CAPN3: variants seen among roughly 807,000 people sequenced by gnomAD.
CAPN3 encodes calpain-3.
A neutral mutation model predicts 114.0 loss-of-function variants in CAPN3; 88 were observed. The ratio of observed to expected loss-of-function variants is 0.77; its 90% CI spans 0.65 to 0.92. The LOEUF is 0.92. CAPN3 is among the 40% of genes least tolerant of loss of function. The pLI, the probability that CAPN3 is intolerant of heterozygous loss-of-function variation, is 0.00. For missense variants in CAPN3, 1,028 were observed against 1,069.0 expected (o/e 0.96, Z 0.53); for synonymous variants, 386 against 382.9 (o/e 1.01, Z -0.09).
rs534164574 is a variant in CAPN3 at position 42,366,030 on chromosome 15, T to G, written c.309+5916T>G. ...TCTAGAAGATTCTCAATACTAGTAC[T>G]TTCTTGATCTTATCAGAGGGTGTCC... On this transcript the variant is annotated intron_variant, in intron 1 of 23. Transcript: ENST00000397163. 3.9e-5 allele frequency among the ~76,000 whole-genome samples: 6 copies of G among 152,364 alleles called. No individual in the cohort carries two copies. In the East Asian group the frequency reaches 1.2e-3, roughly 29 times the overall value.
chr15:42,402,722 G>A, intron 12 of CAPN3, 72 bp from the exon 13 acceptor site: 1 of 1,584,476 alleles, frequency 6.3e-7, no homozygotes, highest in Non-Finnish European at 8.7e-7. Flanking sequence ...AGGGACCCTT[G>A]GAGGTGGCTG....
chr15:42,389,876 C>A (rs967799484), intron 5 of CAPN3, 77 bp from the exon 6 acceptor site: 2 of 1,477,958 alleles, frequency 1.4e-6, no homozygotes, highest in African/African-American at 1.4e-5. Context: ...TTTCTCCTCT[C>A]TCCTTCCCTT....
At chr15:42,393,891 C>G (rs2053622061) in intron 7 of CAPN3, among the ~76,000 whole-genome samples, 7 of 150,924 alleles carry the variant, frequency 4.6e-5, no homozygotes, top group Middle Eastern at 3.6e-3. Flanking sequence ...CCACGCCTGG[C>G]CAGCAGGGGC....
chr15:42,384,241 A>G (rs149112352), intron 1 of CAPN3, among the ~76,000 whole-genome samples: 2 of 152,166 alleles, frequency 1.3e-5, no homozygotes, highest in Non-Finnish European at 2.9e-5. Context: ...GTGAAACCGT[A>G]TCTCTACTAA....
At chr15:42,365,253 T>C (rs78800359) in intron 1 of CAPN3, among the ~76,000 whole-genome samples, 5,760 of 152,300 alleles carry the variant, frequency 0.038, 303 homozygotes, top group African/African-American at 0.12. Flanking sequence ...TCAGTGTTTC[T>C]TGGCTCTGCT....
In CAPN3 at chr15:42,403,846, T is replaced by C. The variant is rs1343825014; in HGVS notation, c.1782+69T>C. 8 of 1,380,964 alleles carry C rather than the reference T, an allele frequency of 5.8e-6. No individual in the cohort carries two copies. The South Asian group carries it at 9.3e-5, about 16-fold the overall frequency. The allele number at this position is 1,380,964 out of a possible 1,614,324, so 85.5% of individuals were successfully genotyped here. A position where few individuals can be genotyped will look rare whatever the true frequency, so the allele number is the denominator to read the frequency against. On this transcript the variant is annotated intron_variant, in intron 14 of 23. Transcript: ENST00000397163. ...CTTCCCTGACCATGCAGGGGACAGA[T>C]GGTGCAGGGGAGAATGGGCACTGGC... is the stretch of plus-strand genomic sequence containing the variant.
intron 9 of CAPN3, among the ~76,000 whole-genome samples, chr15:42,397,937 C>G (rs544407691): frequency 1.6e-3 from 242 of 151,786 alleles, no homozygotes; most frequent in African/African-American, 5.7e-3. Context: ...CAGGGGGTCA[C>G]TTGAGCCCAG....
intron 1 of CAPN3, among the ~76,000 whole-genome samples, chr15:42,376,305 T>C (rs2053087392): frequency 6.6e-6 from 1 of 152,228 alleles, no homozygotes. Flanking sequence ...TGCTCTGCCC[T>C]CTTGAGGGCA....
At chr15:42,388,495 C>T (rs757426457) in intron 4 of CAPN3, among the ~76,000 whole-genome samples, 19 of 152,142 alleles carry the variant, frequency 1.2e-4, no homozygotes, top group Non-Finnish European at 2.1e-4. Context: ...TTTGTAGAGA[C>T]GGGGTTTTGC....
intron 1 of CAPN3, 37 bp downstream of exon 1, chr15:42,360,151 C>CG: frequency 6.2e-7 from 1 of 1,613,274 alleles, no homozygotes; most frequent in Non-Finnish European, 8.5e-7. Context: ...GGTTTTCCCC[C>CG]CACGGAGGAG....
At chr15:42,406,176 C>G (rs1234409788) in intron 15 of CAPN3, among the ~76,000 whole-genome samples, 1 of 152,184 alleles carries the variant, frequency 6.6e-6, no homozygotes, top group African/African-American at 2.4e-5. Flanking sequence ...TTAATTCCTT[C>G]CTCACAACAG....
chr15:42,399,977 C>T (rs944847984), intron 10 of CAPN3, among the ~76,000 whole-genome samples: 9 of 152,302 alleles, frequency 5.9e-5, no homozygotes, highest in Admixed American at 2.0e-4. Flanking sequence ...ATAGCTTAGC[C>T]TGGCCTACCT....
At chr15:42,386,031 G>C in intron 2 of CAPN3, 136 bp from the exon 3 acceptor site, 1 of 765,258 alleles carries the variant, frequency 1.3e-6, no homozygotes, top group South Asian at 1.4e-5. Context: ...CCTCTGTAAG[G>C]TCAGATCTGG....
chr15:42,405,989 T>A (rs753369679), intron 15 of CAPN3, 46 bp downstream of exon 15: 4 of 1,532,136 alleles, frequency 2.6e-6, no homozygotes, highest in Non-Finnish European at 2.7e-6. Context: ...CTCATGCATA[T>A]GTATGTGCAT....
chr15:42,388,803 G>A, intron 4 of CAPN3, 125 bp from the exon 5 acceptor site: 1 of 833,468 alleles, frequency 1.2e-6, no homozygotes, highest in Non-Finnish European at 2.1e-6. Context: ...GAGCTCATAG[G>A]GTTAATGTGG....
At position 42,397,645 on chromosome 15, in the gene CAPN3, A is replaced by G. The variant is rs756278391; in HGVS notation, c.1193+768A>G. The stretch of plus-strand genomic sequence containing the variant: ...GGCGACAAGAGAGACTCTGTCTTGG[A>G]AAAAAAAAAAAAAATGTTGTCTTAG... On this transcript the variant is annotated intron_variant, in intron 9 of 23. Transcript: ENST00000397163. 1.0e-3 allele frequency among the ~76,000 whole-genome samples: 118 copies of G among 118,554 alleles called. 1 individual carries two copies. Among genetic ancestry groups the G allele is most frequent in the Admixed American group, 3.3e-3 (43 of 13,098 alleles). The allele number at this position is 118,554 out of a possible 152,430, so 77.8% of individuals were successfully genotyped here. A position where few individuals can be genotyped will look rare whatever the true frequency, so the allele number is the denominator to read the frequency against.
At position 42,371,078 on chromosome 15, in the gene CAPN3, C is replaced by A. The variant is rs560800911; in HGVS notation, c.309+10964C>A. On this transcript the variant is annotated intron_variant, in intron 1 of 23. Transcript: ENST00000397163. ...TGTAAGGATTAAATGAGATTCTATA[C>A]ATAACATAATACAATGAGTCAATAA... Among the ~76,000 whole-genome samples the A allele has an allele frequency of 8.5e-5, 13 of 152,126 alleles. 1 individual carries two copies. Among genetic ancestry groups the A allele is most frequent in the Non-Finnish European group, 5.9e-5 (4 of 68,028 alleles).
intron 1 of CAPN3, among the ~76,000 whole-genome samples, chr15:42,364,628 T>C (rs1436180516): frequency 1.3e-5 from 2 of 152,212 alleles, no homozygotes; most frequent in East Asian, 3.9e-4. Context: ...ATTCTAGTTA[T>C]CTACATCAAA....
At position 42,360,144 on chromosome 15, in the gene CAPN3, T is replaced by G. The variant is rs775293698; in HGVS notation, c.309+30T>G. On this transcript the variant is annotated intron_variant, in intron 1 of 23. Transcript: ENST00000397163. ...GTAGCTTCCTGCTTGCTGGCTGGGT[T>G]TTCCCCCCACGGAGGAGTCCTCTCA... 3.7e-6 allele frequency: 6 copies of G among 1,613,760 alleles called. No individual in the cohort carries two copies. In the East Asian group the frequency reaches 1.1e-4, roughly 30 times the overall value.
Sources: gnomAD v4.1 joint callset for allele counts (sites outside exome capture counted in the v4.1 genomes callset) on GRCh38, gnomAD v4.1.1 for gene constraint, MANE v1.5 for transcripts, NCBI Gene and HGNC (gene_info 2026-07-23, HGNC 2026-07-21) for gene names.